CFAP47: variants seen among roughly 807,000 people sequenced by gnomAD.
The protein encoded by CFAP47 is cilia and flagella associated protein 47, also known as cilia- and flagella-associated protein 47.
CFAP47 carries 29 observed loss-of-function variants against 148.1 expected under a neutral mutation model. The ratio of observed to expected loss-of-function variants is 0.20; its 90% CI spans 0.15 to 0.27. The LOEUF is 0.27. CFAP47 is among the 10% of genes least tolerant of loss of function. The pLI, the probability that CFAP47 is intolerant of heterozygous loss-of-function variation, is 1.00. For synonymous variants in CFAP47, 664 were observed against 577.3 expected, an observed-to-expected ratio of 1.15 and a Z score of -2.15; for missense variants, 1,872 against 1,697.5, an observed-to-expected ratio of 1.10 and a Z score of -1.81.
intron 26 of CFAP47, among the ~76,000 whole-genome samples, chrX:36,061,740 A>G (rs1937595289): frequency 8.9e-6 from 1 of 112,193 alleles, no homozygotes; most frequent in Non-Finnish European, 1.9e-5. Flanking sequence ...CCTGAAGGAA[A>G]TATAGTCATC....
At chrX:36,371,898 A>ATG (rs1491164040) in intron 62 of CFAP47, among the ~76,000 whole-genome samples, 17 of 78,243 alleles carry the variant, frequency 2.2e-4, no homozygotes, top group Admixed American at 1.8e-3. Flanking sequence ...ATATACACAC[A>ATG]TGTGTATATA....
chrX:36,098,644 T>C (rs1938320496), intron 30 of CFAP47, 149 bp from the exon 31 acceptor site: 2 of 292,780 alleles, frequency 6.8e-6, no homozygotes, highest in African/African-American at 2.8e-5. Context: ...CACTGCCACC[T>C]CTGGCTAATT....
intron 22 of CFAP47, among the ~76,000 whole-genome samples, chrX:36,023,929 G>A (rs952876002): frequency 1.8e-5 from 2 of 112,288 alleles, no homozygotes; most frequent in Non-Finnish European, 3.8e-5. Context: ...GGAATCCCAA[G>A]AGCCCGCTTG....
Position 36,241,662 on chromosome X carries a change from G to T in CFAP47, c.7332+4803G>T, listed in dbSNP as rs139321716. ...GCATCATGCAGCTCAGGAGTACTGA[G>T]CCAATATCTTTGGCCAGCACTCAAG... On this transcript the variant is annotated intron_variant, in intron 48 of 63. Transcript: ENST00000378653. Among the ~76,000 whole-genome samples the T allele has an allele frequency of 3.3e-3, 372 of 111,796 alleles. 3 individuals are homozygous for T. Among genetic ancestry groups the T allele is most frequent in the Middle Eastern group, 0.014 (3 of 214 alleles).
At chrX:36,042,040 AT>A (rs1304418566) in intron 25 of CFAP47, among the ~76,000 whole-genome samples, 3 of 111,235 alleles carry the variant, frequency 2.7e-5, no homozygotes, top group Non-Finnish European at 5.7e-5. Context: ...CTAAAATGTC[AT>A]TAAAGAGAAT....
intron 51 of CFAP47, among the ~76,000 whole-genome samples, chrX:36,286,011 G>A (rs1463429487): frequency 9.0e-6 from 1 of 111,265 alleles, no homozygotes; most frequent in African/African-American, 3.3e-5. Flanking sequence ...CTACATGTTT[G>A]TTCACACATA....
intron 17 of CFAP47, among the ~76,000 whole-genome samples, chrX:35,992,657 T>C (rs967895916): frequency 9.0e-6 from 1 of 111,445 alleles, no homozygotes; most frequent in African/African-American, 3.3e-5. Context: ...TAAAGCATGG[T>C]AAATAGGTTT....
At chrX:36,063,405 T>C (rs1411146818) in intron 26 of CFAP47, among the ~76,000 whole-genome samples, 1 of 111,419 alleles carries the variant, frequency 9.0e-6, no homozygotes, top group Non-Finnish European at 1.9e-5. Flanking sequence ...GAAGTGTCCA[T>C]AGTCCCATGC....
chrX:36,130,978 A>G, intron 33 of CFAP47, among the ~76,000 whole-genome samples: 1 of 110,622 alleles, frequency 9.0e-6, no homozygotes, highest in Non-Finnish European at 1.9e-5. Flanking sequence ...GGTACAAAAA[A>G]GAATAGTTAG....
At chrX:36,228,298 T>G (rs1940294226) in intron 45 of CFAP47, among the ~76,000 whole-genome samples, 1 of 111,154 alleles carries the variant, frequency 9.0e-6, no homozygotes, top group South Asian at 3.8e-4. Context: ...TGAGCAAACT[T>G]CCAGCCATTC....
At chrX:36,314,846 A>G (rs1223911288) in intron 56 of CFAP47, among the ~76,000 whole-genome samples, 1 of 111,792 alleles carries the variant, frequency 8.9e-6, no homozygotes, top group Non-Finnish European at 1.9e-5. Context: ...GAGTTTTCAA[A>G]AGATTACCTG....
chrX:36,212,846 A>T (rs1201735190), intron 45 of CFAP47, among the ~76,000 whole-genome samples: 2 of 111,445 alleles, frequency 1.8e-5, no homozygotes, highest in Non-Finnish European at 3.8e-5. Context: ...GCAGTGGATC[A>T]TCATGCTTGT....
intron 10 of CFAP47, 72 bp from the exon 11 acceptor site, chrX:35,970,696 G>A (rs1281408877): frequency 1.2e-6 from 1 of 835,413 alleles, no homozygotes; most frequent in African/African-American, 2.1e-5. Flanking sequence ...AAATTGGCTA[G>A]GAGGCTGTCA....
intron 62 of CFAP47, among the ~76,000 whole-genome samples, chrX:36,373,455 T>TTG (rs59261465): frequency 0.034 from 3,696 of 108,243 alleles, 152 homozygotes; most frequent in African/African-American, 0.11. Context: ...GCGTGTGTGT[T>TTG]TGTGTGTGTG....
intron 45 of CFAP47, chrX:36,211,601 A>G (rs1248456098): frequency 2.8e-5 from 7 of 252,238 alleles, no homozygotes; most frequent in Non-Finnish European, 5.1e-5. Flanking sequence ...CTGCATATCA[A>G]GCTAAAGGAA....
intron 56 of CFAP47, among the ~76,000 whole-genome samples, chrX:36,314,693 T>C (rs892460168): frequency 9.0e-6 from 1 of 111,704 alleles, no homozygotes; most frequent in Admixed American, 9.6e-5. Context: ...CTATCTATCA[T>C]CTATCTATTT....
chrX:36,126,004 A>C (rs900212677), intron 33 of CFAP47, among the ~76,000 whole-genome samples: 1 of 109,256 alleles, frequency 9.2e-6, no homozygotes, highest in African/African-American at 3.3e-5. Flanking sequence ...ACTGCATTTC[A>C]CTATTAGATG....
chrX:36,149,391 TG>T (rs1255001558), intron 37 of CFAP47, among the ~76,000 whole-genome samples, 168 bp downstream of exon 37: 7 of 110,922 alleles, frequency 6.3e-5, no homozygotes, highest in Admixed American at 2.9e-4. Flanking sequence ...TCACCAAAGT[TG>T]TTGAAACAAT....
At chrX:36,190,258 A>G (rs16987407) in intron 42 of CFAP47, 62 bp downstream of exon 42, 1 of 292,082 alleles carries the variant, frequency 3.4e-6, no homozygotes, top group Non-Finnish European at 6.0e-6. Context: ...AGTAACGAAC[A>G]GCAGGTGACT....
Sources: allele counts gnomAD v4.1 joint callset (sites outside exome capture counted in the v4.1 genomes callset), GRCh38; gene constraint gnomAD v4.1.1; transcripts MANE v1.5; gene names NCBI Gene and HGNC (gene_info 2026-07-23, HGNC 2026-07-21).